Variants in NRAP observed in about 807,000 individuals in gnomAD.
The protein encoded by NRAP is nebulin-related-anchoring protein.
NRAP carries 189 observed loss-of-function variants against 225.9 expected under a neutral mutation model. The ratio of observed to expected loss-of-function variants is 0.84; its 90% CI spans 0.74 to 0.94. The LOEUF (loss-of-function observed/expected upper bound fraction) is 0.94, where lower values mean the gene tolerates loss of function less well. Among genes scored for constraint, NRAP ranks in the 40% least tolerant of loss-of-function variants. The pLI, the probability that NRAP is intolerant of heterozygous loss-of-function variation, is 0.00. For missense variants in NRAP, 2,176 were observed against 2,168.7 expected, an observed-to-expected ratio of 1.00 and a Z score of -0.07; for synonymous variants, 769 against 790.7, an observed-to-expected ratio of 0.97 and a Z score of 0.46.
chr10:113,630,889 C>A (rs929230711), intron 18 of NRAP, among the ~76,000 whole-genome samples: 1 of 152,172 alleles, frequency 6.6e-6, no homozygotes, highest in Non-Finnish European at 1.5e-5. Context: ...TCTTTTGTGT[C>A]TTTTTCCCTA....
intron 38 of NRAP, among the ~76,000 whole-genome samples, chr10:113,592,794 A>G (rs1182929903): frequency 6.6e-6 from 1 of 152,200 alleles, no homozygotes; most frequent in Non-Finnish European, 1.5e-5. Context: ...TTGCACCATC[A>G]CTATGAGGCA....
At chr10:113,590,270 T>TTGAG (rs1292026621) in intron 40 of NRAP, among the ~76,000 whole-genome samples, 3 of 152,216 alleles carry the variant, frequency 2.0e-5, no homozygotes, top group Admixed American at 2.0e-4. Context: ...TTATGGGATC[T>TTGAG]TGAGTAAGTC....
At chr10:113,605,730 G>C (rs1288400326) in intron 34 of NRAP, 32 bp downstream of exon 34, 7 of 1,391,700 alleles carry the variant, frequency 5.0e-6, no homozygotes, top group South Asian at 2.4e-5. Context: ...ACAGAAATTA[G>C]GCAAGATGGA....
chr10:113,622,856 T>C (rs564680335), intron 23 of NRAP, among the ~76,000 whole-genome samples: 29 of 152,204 alleles, frequency 1.9e-4, no homozygotes, highest in Non-Finnish European at 3.1e-4. Context: ...ATAAAGAGCT[T>C]ATGTCAGAAT....
At chr10:113,590,003 T>G (rs767490943) in intron 40 of NRAP, among the ~76,000 whole-genome samples, 33 of 152,234 alleles carry the variant, frequency 2.2e-4, no homozygotes, top group Non-Finnish European at 3.4e-4. Context: ...GCCGGCATGT[T>G]GCTGTCTCTT....
Position 113,590,858 on chromosome 10 carries a change from C to G in NRAP, c.4676G>C (p.Arg1559Pro), listed in dbSNP as rs371557701. The change falls in exon 40 of 42, where the codon CGA becomes CCA. Residue 1559 changes from arginine (R) to proline (P), a missense_variant. This residue lies in a region of NRAP where 445 missense variants were observed against 426.1 expected (regional missense o/e 1.04). Coordinates refer to ENST00000359988, the MANE Select transcript of NRAP (RefSeq NM_198060.4). ...FRYKEAFLRD[R>P]GLQIGYRSVD... ...ACTGCGGTACCCGATCTGCAGGCCT[C>G]GGTCCCGCAGGAAAGCCTCTTTGTA... 221 of 1,614,132 alleles carry G rather than the reference C, an allele frequency of 1.4e-4. 3 individuals are homozygous for G. The South Asian group carries it at 2.3e-3, about 17-fold the overall frequency.
chr10:113,607,578 T>A (rs1254157648), intron 32 of NRAP, among the ~76,000 whole-genome samples: 3 of 152,098 alleles, frequency 2.0e-5, no homozygotes, highest in Non-Finnish European at 4.4e-5. Context: ...GAAATAGGAA[T>A]TTAAAAGTGA....
In NRAP at chr10:113,611,198, C is replaced by T. The variant is rs931659253; in HGVS notation, c.3499-635G>A. On this transcript the variant is annotated intron_variant, in intron 30 of 41. Transcript: ENST00000359988. Reference sequence around the variant, plus strand: ...GCAAGTGAGGGCTCCGCTCAAGTGACAAACGGGCCCCCGAGATGAGCGTGG... The same window carrying T: ...GCAAGTGAGGGCTCCGCTCAAGTGATAAACGGGCCCCCGAGATGAGCGTGG... Among the ~76,000 whole-genome samples, 40 of 152,248 alleles carry T rather than the reference C, an allele frequency of 2.6e-4. 1 individual carries two copies. Among genetic ancestry groups the T allele is most frequent in the Middle Eastern group, 3.4e-3 (1 of 294 alleles).
At chr10:113,654,201 A>G in intron 4 of NRAP, 76 bp from the exon 5 acceptor site, 2 of 845,626 alleles carry the variant, frequency 2.4e-6, no homozygotes, top group Non-Finnish European at 2.0e-6. Flanking sequence ...TTGTCAAAAG[A>G]AGATATTCTT....
At chr10:113,619,205 G>A (rs542540120) in intron 25 of NRAP, among the ~76,000 whole-genome samples, 3 of 152,274 alleles carry the variant, frequency 2.0e-5, no homozygotes, top group South Asian at 2.1e-4. Flanking sequence ...TAAGACACAC[G>A]AAGGAAATCA....
Position 113,651,837 on chromosome 10 carries a change from A to G in NRAP, c.641T>C (p.Leu214Pro), listed in dbSNP as rs1475336990. The change falls in exon 7 of 42, where the codon CTA becomes CCA. Residue 214 changes from leucine (L) to proline (P), a missense_variant. Leu to Pro is a moderately conservative substitution (Grantham distance 98, BLOSUM62 -3). Around this residue, in one of 3 missense-constraint regions of NRAP, gnomAD observed 1,708 missense variants for 1,695.5 expected, o/e 1.01. Coordinates refer to ENST00000359988, the MANE Select transcript of NRAP (RefSeq NM_198060.4). ...AAGCTGTGCCCCAGCCTTGCTCCGTAGCAGCTCAGGAGTATCCACCACCGT... is the reference window on the plus strand; with the variant it reads ...AAGCTGTGCCCCAGCCTTGCTCCGTGGCAGCTCAGGAGTATCCACCACCGT... Reference protein sequence around the residue: ...FSTVVDTPELLRSKAGAQLQS... With the variant: ...FSTVVDTPELPRSKAGAQLQS... The G allele has an allele frequency of 6.2e-7, 1 of 1,613,068 alleles. No homozygotes were observed. The highest frequency in any genetic ancestry group is 8.5e-7 in the Non-Finnish European group (1 of 1,179,212).
intron 38 of NRAP, among the ~76,000 whole-genome samples, chr10:113,592,517 G>T (rs1371740632): frequency 1.5e-5 from 2 of 136,530 alleles, no homozygotes; most frequent in Admixed American, 1.5e-4. Context: ...CCACCCATTA[G>T]GCCCTGCTCC....
rs761855661 is a variant in NRAP, at chr10:113,604,686, G to A, written c.4150C>T (p.Gln1384Ter). 1.9e-6 allele frequency: 3 copies of A among 1,614,100 alleles called. No homozygotes were observed. The highest frequency in any genetic ancestry group is 4.5e-5 in the East Asian group (2 of 44,898). ...GGCAGTGCTGTGAACTTGTGATACTGTGTCCTGTAGTCGTGGTCGCTGGCC... is the reference window on the plus strand; with the variant it reads ...GGCAGTGCTGTGAACTTGTGATACTATGTCCTGTAGTCGTGGTCGCTGGCC... ...ALASDHDYRT[Q>*]YHKFTALPED... The change falls in exon 35 of 42, where the codon CAG (glutamine) becomes TAG (stop). Residue 1384 changes from glutamine (Q) to a stop codon, truncating the protein, a stop_gained. Coordinates refer to ENST00000359988, the MANE Select transcript of NRAP (RefSeq NM_198060.4). LOFTEE classifies it high-confidence loss of function.
At chr10:113,595,955 A>G (rs534219306) in intron 37 of NRAP, among the ~76,000 whole-genome samples, 2 of 152,338 alleles carry the variant, frequency 1.3e-5, no homozygotes, top group South Asian at 2.1e-4. Context: ...TGTTAAAAAT[A>G]TTCTTCAAGA....
Position 113,634,098 on chromosome 10 carries a change from G to A in NRAP, c.1527+14C>T. 6.3e-7 allele frequency: 1 copy of A among 1,581,282 alleles called. No homozygotes were observed. The highest frequency in any genetic ancestry group is 1.3e-5 in the African/African-American group (1 of 74,444). ...AAGACCCCTACATCCAGCTGGGCAGGGACAGTTACTTACATGACTCAGCTG... is the reference window on the plus strand; with the variant it reads ...AAGACCCCTACATCCAGCTGGGCAGAGACAGTTACTTACATGACTCAGCTG... On this transcript the variant is annotated intron_variant, in intron 15 of 41. Transcript: ENST00000359988.
chr10:113,634,779 T>G (rs1219682469), intron 14 of NRAP, among the ~76,000 whole-genome samples: 1 of 152,144 alleles, frequency 6.6e-6, no homozygotes, highest in Non-Finnish European at 1.5e-5. Context: ...TACTTTCCTA[T>G]ATACGTCTTA....
At chr10:113,661,398 A>G (rs1850668506) in intron 3 of NRAP, among the ~76,000 whole-genome samples, 1 of 152,198 alleles carries the variant, frequency 6.6e-6, no homozygotes. Flanking sequence ...CCACACAGCA[A>G]GGTCACTACC....
Position 113,615,742 on chromosome 10 carries a change from C to T in NRAP, c.3048G>A (p.Leu1016=), listed in dbSNP as rs1372678567. Reference sequence around the variant, plus strand: ...TGATATTCATGGCATTCAGCTTGGCCAGCAGGACTTCAGGGAGGTCAGCAG... The same window carrying T: ...TGATATTCATGGCATTCAGCTTGGCTAGCAGGACTTCAGGGAGGTCAGCAG... ...TPTADLPEVL[L]AKLNAMNISE... is the part of the protein sequence containing the mutation. Residue 1016 remains leucine, a synonymous_variant, in exon 27 of 42, where the codon CTG becomes CTA. Coordinates refer to ENST00000359988, the MANE Select transcript of NRAP (RefSeq NM_198060.4). 2 of 1,610,866 alleles carry T rather than the reference C, an allele frequency of 1.2e-6. No individual in the cohort carries two copies. The highest frequency in any genetic ancestry group is 1.7e-6 in the Non-Finnish European group (2 of 1,177,036).
chr10:113,603,069 T>C (rs543536234), intron 35 of NRAP, among the ~76,000 whole-genome samples: 3 of 152,308 alleles, frequency 2.0e-5, no homozygotes, highest in South Asian at 4.1e-4. Context: ...TGGCTGGTTA[T>C]GTTCTAAAAT....
Sources: gnomAD v4.1 joint callset for allele counts (sites outside exome capture counted in the v4.1 genomes callset) on GRCh38, gnomAD v4.1.1 for gene constraint, gnomAD v4.1.1 regional missense constraint, MANE v1.5 for transcripts, NCBI Gene and HGNC (gene_info 2026-07-23, HGNC 2026-07-21) for gene names.